PUM2: variants seen among roughly 807,000 people sequenced by gnomAD.
PUM2 encodes the protein pumilio RNA binding family member 2.
In PUM2, 57 loss-of-function variants were observed where a neutral mutation model predicts 124.5. The ratio of observed to expected loss-of-function variants is 0.46; its 90% CI spans 0.37 to 0.57. The LOEUF (loss-of-function observed/expected upper bound fraction) is 0.57. Among genes scored for constraint, PUM2 ranks in the 20% least tolerant of loss-of-function variants. The probability of loss-of-function intolerance (pLI) is 0.00; values close to 1 mark genes in which losing one functional copy is unlikely to be tolerated. For missense variants in PUM2, 1,065 were observed against 1,290.6 expected (o/e 0.83, Z 2.68); for synonymous variants, 460 against 446.1 (o/e 1.03, Z -0.39).
intron 12 of PUM2, among the ~76,000 whole-genome samples, chr2:20,280,512 A>T (rs1671263823): frequency 6.6e-6 from 1 of 152,070 alleles, no homozygotes; most frequent in African/African-American, 2.4e-5. Context: ...TTTATTTCAG[A>T]AAACAATTTA....
intron 7 of PUM2, among the ~76,000 whole-genome samples, chr2:20,300,441 AC>A (rs1676699886): frequency 6.6e-6 from 1 of 152,146 alleles, no homozygotes; most frequent in Admixed American, 6.5e-5. Flanking sequence ...GAGCCATAGC[AC>A]CCGGCCTCAA....
chr2:20,298,788 G>A (rs1558584414), intron 7 of PUM2, among the ~76,000 whole-genome samples: 12 of 152,080 alleles, frequency 7.9e-5, no homozygotes, highest in Admixed American at 7.9e-4. Flanking sequence ...GGAGTGAGCC[G>A]AGATAACGCC....
intron 13 of PUM2, among the ~76,000 whole-genome samples, chr2:20,272,996 T>C (rs1045698174): frequency 1.3e-5 from 2 of 152,220 alleles, no homozygotes; most frequent in African/African-American, 2.4e-5. Context: ...TTATGTTATT[T>C]GGCTAACACT....
At chr2:20,337,926 C>T (rs977190705) in intron 1 of PUM2, among the ~76,000 whole-genome samples, 2 of 152,112 alleles carry the variant, frequency 1.3e-5, no homozygotes, top group African/African-American at 4.8e-5. Context: ...TCACTATAAT[C>T]CAGCAAAGTC....
At position 20,299,180 on chromosome 2, in the gene PUM2, T is replaced by C. The variant is rs569458990; in HGVS notation, c.884-1502A>G. Among the ~76,000 whole-genome samples the C allele has an allele frequency of 1.1e-4, 17 of 152,196 alleles. 1 individual carries two copies. The highest frequency in any genetic ancestry group is 3.6e-4 in the African/African-American group (15 of 41,552). On this transcript the variant is annotated intron_variant, in intron 7 of 20. Transcript: ENST00000361078. Reference sequence around the variant, plus strand: ...GGCCCAGACTTGTGATCAGTGTGTGTTGGGGGTGGAAAGCAGTCCTGGAGA... The same window carrying C: ...GGCCCAGACTTGTGATCAGTGTGTGCTGGGGGTGGAAAGCAGTCCTGGAGA...
At chr2:20,277,048 C>T (rs1173623173) in intron 13 of PUM2, among the ~76,000 whole-genome samples, 2 of 152,004 alleles carry the variant, frequency 1.3e-5, no homozygotes, top group Non-Finnish European at 2.9e-5. Flanking sequence ...CATTTATATC[C>T]GATTTCTAAG....
At chr2:20,304,892 G>C (rs1334937984) in intron 7 of PUM2, among the ~76,000 whole-genome samples, 1 of 152,054 alleles carries the variant, frequency 6.6e-6, no homozygotes, top group African/African-American at 2.4e-5. Context: ...TTAAAAATGT[G>C]ATTACTAAAT....
chr2:20,278,937 T>A (rs892931812), intron 12 of PUM2, 118 bp from the exon 13 acceptor site: 1 of 765,968 alleles, frequency 1.3e-6, no homozygotes, highest in Non-Finnish European at 2.1e-6. Context: ...AGAAACATTT[T>A]GGAGAAGATA....
rs1380965752 is a variant in PUM2, at chr2:20,283,521, T to C, written c.1292-35A>G. 11 of 1,565,246 alleles carry C rather than the reference T, an allele frequency of 7.0e-6. No homozygotes were observed. In the Admixed American group the frequency reaches 1.9e-4, roughly 27 times the overall value. On this transcript the variant is annotated intron_variant, in intron 10 of 20. Transcript: ENST00000361078. Reference sequence around the variant, plus strand: ...ATAAAGGTTTACTAATGAAAGCACTTATTACAAAAACATGCATATTTGTTT... The same window carrying C: ...ATAAAGGTTTACTAATGAAAGCACTCATTACAAAAACATGCATATTTGTTT...
rs774105503 is a variant in PUM2 at position 20,251,563 on chromosome 2, T to G, written c.*22A>C. On this transcript the variant is annotated 3_prime_UTR_variant, in exon 21 of 21. Coordinates refer to ENST00000361078, the MANE Select transcript of PUM2 (RefSeq NM_015317.5). ...ATTCTTTTCACATGGTTAAATTATCTTCTTTCTCTTGCTCCTGTAATTTAC... is the reference window on the plus strand; with the variant it reads ...ATTCTTTTCACATGGTTAAATTATCGTCTTTCTCTTGCTCCTGTAATTTAC... 6.3e-7 allele frequency: 1 copy of G among 1,599,242 alleles called. No homozygotes were observed. The highest frequency in any genetic ancestry group is 8.5e-7 in the Non-Finnish European group (1 of 1,171,752).
At chr2:20,307,102 G>A (rs2148518093) in intron 7 of PUM2, among the ~76,000 whole-genome samples, 1 of 152,122 alleles carries the variant, frequency 6.6e-6, no homozygotes, top group East Asian at 2.0e-4. Context: ...TGTGATCCCA[G>A]CTACTCAGAA....
rs139654340 is a variant in PUM2 at position 20,312,422 on chromosome 2, G to A, written c.162C>T (p.His54=). The A allele has an allele frequency of 1.2e-6, 2 of 1,611,512 alleles. No homozygotes were observed. Among genetic ancestry groups the A allele is most frequent in the South Asian group, 2.2e-5 (2 of 90,484 alleles). ...CCATAATAGGCTGGGACATTGAATG[G>A]TCTGTTTGGAAGAAAAAACACAATT... The part of the protein sequence containing the change: ...EWRETAWGAS[H]HSMSQPIMVQ... Residue 54 remains histidine (H), a splice_region_variant and synonymous_variant, in exon 4 of 21, where the codon CAC becomes CAT. Transcript: ENST00000361078.
Position 20,278,791 on chromosome 2 carries a change from T to C in PUM2, c.1749A>G (p.Thr583=), listed in dbSNP as rs1477259840. 6.2e-7 allele frequency: 1 copy of C among 1,613,288 alleles called. No individual in the cohort carries two copies. Among genetic ancestry groups the C allele is most frequent in the Non-Finnish European group, 8.5e-7 (1 of 1,179,454 alleles). The change falls in exon 13 of 21, where the codon ACA becomes ACG. Residue 583 remains threonine (T), a synonymous_variant. Transcript: ENST00000361078. The part of the protein sequence containing the change: ...SVGSSASSSA[T]RRESLSTSSD... ...AGCTAGTAGATAGAGACTCTCTCCT[T>C]GTGGCACTACTACTTGCAGAACTGC...
intron 3 of PUM2, among the ~76,000 whole-genome samples, chr2:20,313,257 T>C (rs79192358): frequency 2.0e-5 from 3 of 152,186 alleles, no homozygotes; most frequent in Admixed American, 2.0e-4. Context: ...TAAACTATCA[T>C]CAGAGTGAAC....
chr2:20,263,369 A>C lies in PUM2; in HGVS notation c.2049T>G (p.Phe683Leu), dbSNP rs1666757173. The change falls in exon 14 of 21, where the codon TTT (phenylalanine) becomes TTG (leucine). Residue 683 changes from phenylalanine (F) to leucine (L), a missense_variant. Transcript: ENST00000361078. ...GAGGAAAGAGCTGGCTGCTGGAGCT[A>C]AATAGACTGGAAGTGCTTGAAGCAC... ...YRSASSTSSL[F>L]SSSSQLFPPS... is the part of the protein sequence containing the mutation. 6.2e-7 allele frequency: 1 copy of C among 1,614,088 alleles called. No homozygotes were observed. The highest frequency in any genetic ancestry group is 1.3e-5 in the African/African-American group (1 of 74,942).
intron 14 of PUM2, among the ~76,000 whole-genome samples, chr2:20,261,909 C>T (rs62123440): frequency 0.036 from 5,390 of 151,704 alleles, 94 homozygotes; most frequent in Middle Eastern, 0.068. Context: ...CCTGGCAACA[C>T]AGTGAGACCC....
chr2:20,254,847 C>T lies in PUM2; in HGVS notation c.2870+16G>A, dbSNP rs1193109845. ...TTGAAAGAATTGACCCTTAAAATTACAAAGTATTACAATACCTGGCAAATT... is the reference window on the plus strand; with the variant it reads ...TTGAAAGAATTGACCCTTAAAATTATAAAGTATTACAATACCTGGCAAATT... On this transcript the variant is annotated intron_variant, in intron 19 of 20. Coordinates refer to ENST00000361078, the MANE Select transcript of PUM2 (RefSeq NM_015317.5). 1.2e-6 allele frequency: 2 copies of T among 1,607,526 alleles called. No individual in the cohort carries two copies. Among genetic ancestry groups the T allele is most frequent in the Non-Finnish European group, 1.7e-6 (2 of 1,177,536 alleles).
At chr2:20,307,860 T>C in intron 7 of PUM2, 118 bp downstream of exon 7, 2 of 1,333,092 alleles carry the variant, frequency 1.5e-6, no homozygotes, top group South Asian at 1.8e-5. Flanking sequence ...AACCTATTAC[T>C]TGTTGATCTC....
At position 20,255,430 on chromosome 2, in the gene PUM2, G is replaced by A. The variant is rs1015824036; in HGVS notation, c.2623-89C>T. On this transcript the variant is annotated intron_variant, in intron 17 of 20. Coordinates refer to ENST00000361078, the MANE Select transcript of PUM2 (RefSeq NM_015317.5). ...AGACTGGTTTGTTTTTTTTTTTTTT[G>A]ACAACACCTAAAAGCAGTTTGAAAT... The A allele has an allele frequency of 1.1e-5, 11 of 1,014,250 alleles. No individual in the cohort carries two copies. The East Asian group carries it at 2.5e-4, about 23-fold the overall frequency. 62.8% of individuals were successfully genotyped at this position (1,014,250 alleles called of 1,614,324 possible). A position where few individuals can be genotyped will look rare whatever the true frequency, so the allele number is the denominator to read the frequency against.
Sources: gnomAD v4.1 joint callset for allele counts (sites outside exome capture counted in the v4.1 genomes callset) on GRCh38, gnomAD v4.1.1 for gene constraint, MANE v1.5 for transcripts, NCBI Gene and HGNC (gene_info 2026-07-23, HGNC 2026-07-21) for gene names.